Variants in BCAR3 observed in about 807,000 individuals in gnomAD.
The protein encoded by BCAR3 is BCAR3 adaptor protein, NSP family member.
Under a neutral mutation model 80.1 loss-of-function variants are expected in BCAR3, and 37 were observed. That is an observed-to-expected ratio of 0.46 (90% CI 0.36 to 0.61). The LOEUF (loss-of-function observed/expected upper bound fraction) is 0.61, where lower values mean the gene tolerates loss of function less well. BCAR3 is among the 20% of genes least tolerant of loss of function. BCAR3 has a pLI of 0.00. For synonymous variants in BCAR3, 389 were observed against 418.9 expected (o/e 0.93, Z 0.87); for missense variants, 978 against 1,068.2 (o/e 0.92, Z 1.18).
At chr1:93,666,070 A>C (rs1254835803) in intron 2 of BCAR3, among the ~76,000 whole-genome samples, 1 of 151,992 alleles carries the variant, frequency 6.6e-6, no homozygotes, top group African/African-American at 2.4e-5. Context: ...TTCCCTCCTC[A>C]TCCTCTTCTC....
intron 3 of BCAR3, among the ~76,000 whole-genome samples, chr1:93,635,714 T>C (rs1306674809): frequency 6.6e-6 from 1 of 152,240 alleles, no homozygotes; most frequent in Non-Finnish European, 1.5e-5. Flanking sequence ...GCTCTGCCAA[T>C]GTGCACACTC....
intron 2 of BCAR3, among the ~76,000 whole-genome samples, chr1:93,652,688 C>T (rs572511321): frequency 6.6e-6 from 1 of 152,184 alleles, no homozygotes; most frequent in East Asian, 1.9e-4. Flanking sequence ...AGTCCTCACC[C>T]TGTGATTCCA....
chr1:93,833,192 T>C (rs12145046), intron 2 of BCAR3, among the ~76,000 whole-genome samples: 19,784 of 152,170 alleles, frequency 0.13, 1,977 homozygotes, highest in African/African-American at 0.27. Context: ...CCACCTGAGC[T>C]GCAAAACCAG....
chr1:93,575,967 T>TGGAAGGAGCTGGGAGGGTC (rs1673438943), intron 8 of BCAR3, 47 bp downstream of exon 8: 1 of 1,542,488 alleles, frequency 6.5e-7, no homozygotes, highest in South Asian at 1.1e-5. Flanking sequence ...CTCTGATGCC[T>TGGAAGGAGCTGGGAGGGTC]GGAAGGAGCT....
intron 2 of BCAR3, among the ~76,000 whole-genome samples, chr1:93,725,146 CAT>C (rs1469262692): frequency 6.6e-6 from 1 of 152,230 alleles, no homozygotes; most frequent in Non-Finnish European, 1.5e-5. Flanking sequence ...ATGTCCCACT[CAT>C]GTGTAAGCTC....
At chr1:93,691,566 G>C (rs1649190128) in intron 3 of BCAR3, among the ~76,000 whole-genome samples, 1 of 152,184 alleles carries the variant, frequency 6.6e-6, no homozygotes. Context: ...TGGGTGGTGG[G>C]AGGGGCCAGA....
chr1:93,651,929 A>C (rs1233596799), intron 2 of BCAR3, among the ~76,000 whole-genome samples: 1 of 152,196 alleles, frequency 6.6e-6, no homozygotes, highest in Non-Finnish European at 1.5e-5. Context: ...CCATGTCAAC[A>C]TGTTAGCCCA....
chr1:93,756,300 T>C (rs1326491095), intron 2 of BCAR3, among the ~76,000 whole-genome samples: 2 of 152,188 alleles, frequency 1.3e-5, no homozygotes, highest in Non-Finnish European at 1.5e-5. Flanking sequence ...AAGGCTGTTA[T>C]TGGAGTGTTC....
intron 2 of BCAR3, among the ~76,000 whole-genome samples, chr1:93,748,429 A>G (rs900956818): frequency 2.6e-5 from 4 of 152,148 alleles, no homozygotes; most frequent in Non-Finnish European, 5.9e-5. Context: ...ACCCATCCCC[A>G]AGAACTGTTT....
intron 2 of BCAR3, among the ~76,000 whole-genome samples, chr1:93,741,970 C>G (rs1651197175): frequency 6.6e-6 from 1 of 152,158 alleles, no homozygotes; most frequent in South Asian, 2.1e-4. Flanking sequence ...TCCATCTAAC[C>G]CAGATGGTAA....
At chr1:93,766,649 A>G (rs114444401) in intron 2 of BCAR3, among the ~76,000 whole-genome samples, 2,129 of 152,352 alleles carry the variant, frequency 0.014, 38 homozygotes, top group African/African-American at 0.046. Flanking sequence ...CCTCTTTCTT[A>G]GAGTCCGCTT....
At chr1:93,709,966 C>T (rs776922084) in intron 2 of BCAR3, among the ~76,000 whole-genome samples, 13 of 152,074 alleles carry the variant, frequency 8.5e-5, no homozygotes, top group African/African-American at 1.4e-4. Context: ...TGGGCCTGTT[C>T]GATGCTGTGT....
chr1:93,804,375 A>T (rs1178095226), intron 2 of BCAR3, among the ~76,000 whole-genome samples: 2 of 152,228 alleles, frequency 1.3e-5, no homozygotes, highest in African/African-American at 4.8e-5. Flanking sequence ...GCACAGTAAG[A>T]GATTAACAAC....
chr1:93,646,468 G>A (rs1676149896), intron 2 of BCAR3: 1 of 152,064 alleles, frequency 6.6e-6, no homozygotes, highest in South Asian at 2.1e-4. Flanking sequence ...CTGGCATGGT[G>A]GCACGTGCCT....
chr1:93,656,689 G>A (rs942310109), intron 2 of BCAR3, among the ~76,000 whole-genome samples: 3 of 149,222 alleles, frequency 2.0e-5, no homozygotes, highest in East Asian at 2.0e-4. Context: ...CTGCAGTCTC[G>A]ACCTCCTGGG....
intron 3 of BCAR3, among the ~76,000 whole-genome samples, chr1:93,621,532 AC>A: frequency 6.6e-6 from 1 of 152,252 alleles, no homozygotes; most frequent in African/African-American, 2.4e-5. Flanking sequence ...CTGATAAAGC[AC>A]CCTGGCTGGC....
intron 2 of BCAR3, among the ~76,000 whole-genome samples, chr1:93,820,089 C>G (rs1654161520): frequency 6.6e-6 from 1 of 152,182 alleles, no homozygotes; most frequent in Non-Finnish European, 1.5e-5. Context: ...AAACTCAGAA[C>G]TCACTCACAC....
At chr1:93,749,906 G>C (rs910215757) in intron 2 of BCAR3, among the ~76,000 whole-genome samples, 1 of 82,908 alleles carries the variant, frequency 1.2e-5, no homozygotes. Context: ...TTTTTTTTTT[G>C]CTTCTCCTGC....
chr1:93,674,968 T>TATAA (rs777452873), intron 1 of BCAR3, 27 bp from the exon 2 acceptor site: 2 of 1,491,030 alleles, frequency 1.3e-6, no homozygotes, highest in Non-Finnish European at 1.8e-6. Context: ...AGAGTGAAGG[T>TATAA]ATAAATCTAT....
Sources: gnomAD v4.1 joint callset for allele counts (sites outside exome capture counted in the v4.1 genomes callset) on GRCh38, gnomAD v4.1.1 for gene constraint, MANE v1.5 for transcripts, NCBI Gene and HGNC (gene_info 2026-07-23, HGNC 2026-07-21) for gene names.